Variants in SLC47A1 observed in about 807,000 individuals in gnomAD.
SLC47A1 encodes the protein multidrug and toxin extrusion protein 1.
Under a neutral mutation model 65.8 loss-of-function variants are expected in SLC47A1, and 58 were observed. The ratio of observed to expected loss-of-function variants is 0.88; its 90% confidence interval spans 0.71 to 1.10. The LOEUF (loss-of-function observed/expected upper bound fraction) is 1.10, where lower values mean the gene tolerates loss of function less well. Among genes scored for constraint, SLC47A1 ranks in the 50% least tolerant of loss-of-function variants. SLC47A1 has a pLI of 0.00. For synonymous variants in SLC47A1, 285 were observed against 295.0 expected (o/e 0.97, Z 0.35); for missense variants, 706 against 719.2 (o/e 0.98, Z 0.21).
chr17:19,539,941 C>G (rs1916093742), intron 1 of SLC47A1, among the ~76,000 whole-genome samples: 1 of 152,150 alleles, frequency 6.6e-6, no homozygotes, highest in Non-Finnish European at 1.5e-5. Context: ...AGATCCCTGG[C>G]ACGGACTTTC....
chr17:19,577,951 C>A lies in SLC47A1; in HGVS notation c.*398C>A. 7.8e-7 allele frequency: 1 copy of A among 1,278,306 alleles called. No homozygotes were observed. Among genetic ancestry groups the A allele is most frequent in the Non-Finnish European group, 1.0e-6 (1 of 986,726 alleles). The allele number at this position is 1,278,306 out of a possible 1,614,324, so 79.2% of individuals were successfully genotyped here. ...ATATCTTTCCTTGGGCCTTAGATTA[C>A]TATTCACTGGGCAAATGGTATTTGT... On this transcript the variant is annotated 3_prime_UTR_variant, in exon 17 of 17. Coordinates refer to ENST00000270570, the MANE Select transcript of SLC47A1 (RefSeq NM_018242.3).
chr17:19,546,604 T>C, intron 3 of SLC47A1, 101 bp downstream of exon 3: 1 of 1,100,668 alleles, frequency 9.1e-7, no homozygotes, highest in East Asian at 2.5e-5. Context: ...AGCCAGCACT[T>C]GCAGCACCTA....
rs376553580 is a variant in SLC47A1, at chr17:19,566,872, T to C, written c.1176+13T>C. On this transcript the variant is annotated intron_variant, in intron 13 of 16. Coordinates refer to ENST00000270570, the MANE Select transcript of SLC47A1 (RefSeq NM_018242.3). ...TGAAGCTCTTGCTGTAAGTATTATG[T>C]AGTAGTCCCCTAAGCACTGTTATGA... is the stretch of plus-strand genomic sequence containing the variant. 2 of 1,613,856 alleles carry C rather than the reference T, an allele frequency of 1.2e-6. No individual in the cohort carries two copies. The highest frequency in any genetic ancestry group is 1.7e-4 in the Middle Eastern group (1 of 6,060).
intron 16 of SLC47A1, among the ~76,000 whole-genome samples, chr17:19,575,704 A>G (rs1345871328): frequency 6.6e-6 from 1 of 151,868 alleles, no homozygotes; most frequent in Non-Finnish European, 1.5e-5. Context: ...CTGGCCTATT[A>G]CTCTTACTGT....
intron 4 of SLC47A1, 129 bp downstream of exon 4, chr17:19,548,262 T>C: frequency 8.6e-7 from 1 of 1,157,546 alleles, no homozygotes; most frequent in South Asian, 1.6e-5. Flanking sequence ...GGCTGACGTC[T>C]CCTAGGTCTT....
chr17:19,542,486 G>A lies in SLC47A1; in HGVS notation c.229G>A (p.Ala77Thr). 6.2e-7 allele frequency: 1 copy of A among 1,611,488 alleles called. No homozygotes were observed. Among genetic ancestry groups the A allele is most frequent in the Non-Finnish European group, 8.5e-7 (1 of 1,178,942 alleles). The part of the protein sequence containing the change: ...GKLELDAVTL[A>T]IAVINVTGVS... ...GCTGGAGCTGGATGCAGTCACGCTG[G>A]CAATCGCGGTACGTGTGGGCTTTCT... is the stretch of plus-strand genomic sequence containing the variant. The change falls in exon 2 of 17, where the codon GCA becomes ACA. Residue 77 changes from alanine (A) to threonine (T), a missense_variant. Transcript: ENST00000270570.
At chr17:19,540,038 C>A (rs565905309) in intron 1 of SLC47A1, among the ~76,000 whole-genome samples, 1 of 152,216 alleles carries the variant, frequency 6.6e-6, no homozygotes, top group Non-Finnish European at 1.5e-5. Flanking sequence ...TGCGGCAGCT[C>A]TCAAAAAAAC....
chr17:19,557,693 T>C (rs954628071), intron 10 of SLC47A1: 2 of 497,712 alleles, frequency 4.0e-6, no homozygotes, highest in South Asian at 1.4e-5. Context: ...CTTACTCTCG[T>C]TGGTGATAAG....
At chr17:19,573,073 T>A (rs959630692) in intron 16 of SLC47A1, among the ~76,000 whole-genome samples, 1 of 152,232 alleles carries the variant, frequency 6.6e-6, no homozygotes, top group Non-Finnish European at 1.5e-5. Context: ...GACTGAAAGG[T>A]CCCCAGTTCC....
intron 12 of SLC47A1, among the ~76,000 whole-genome samples, chr17:19,566,303 A>G (rs1319377433): frequency 1.3e-5 from 2 of 152,100 alleles, no homozygotes; most frequent in African/African-American, 4.8e-5. Flanking sequence ...GGTGCTGCCT[A>G]TTTTTTCTAA....
intron 14 of SLC47A1, 113 bp from the exon 15 acceptor site, chr17:19,571,365 C>A: frequency 2.3e-6 from 2 of 854,684 alleles, no homozygotes; most frequent in Admixed American, 2.5e-5. Flanking sequence ...TCCACCTCAG[C>A]CATGAAAGCA....
intron 12 of SLC47A1, chr17:19,564,507 T>C (rs897689963): frequency 6.6e-6 from 1 of 152,182 alleles, no homozygotes; most frequent in Non-Finnish European, 1.5e-5. Context: ...ACATGGAACG[T>C]GCTAGGAATT....
At chr17:19,541,858 G>A (rs1916157889) in intron 1 of SLC47A1, among the ~76,000 whole-genome samples, 2 of 152,238 alleles carry the variant, frequency 1.3e-5, no homozygotes, top group Admixed American at 6.5e-5. Flanking sequence ...TGGGCGCAGT[G>A]GCTCACGCCT....
At chr17:19,553,807 GC>G (rs1253973303) in intron 6 of SLC47A1, among the ~76,000 whole-genome samples, 2 of 152,186 alleles carry the variant, frequency 1.3e-5, no homozygotes, top group African/African-American at 2.4e-5. Flanking sequence ...CTCCCAAAGT[GC>G]TGGGATTACA....
In SLC47A1 at chr17:19,577,529, G is replaced by A; in HGVS notation, c.1689G>A (p.Val563=). The part of the protein sequence containing the change: ...VFLILLVGIL[V]RFYVRIQ ...TAATCTTGCTGGTGGGGATTTTAGT[G>A]AGATTCTATGTCAGAATTCAGTGAC... is the stretch of plus-strand genomic sequence containing the variant. The change falls in exon 17 of 17, where the codon GTG becomes GTA. Residue 563 remains valine (V), a synonymous_variant. Transcript: ENST00000270570. 1 of 1,614,142 alleles carries A rather than the reference G, an allele frequency of 6.2e-7. No individual in the cohort carries two copies. Among genetic ancestry groups the A allele is most frequent in the African/African-American group, 1.3e-5 (1 of 75,038 alleles).
intron 16 of SLC47A1, 48 bp from the exon 17 acceptor site, chr17:19,577,279 T>C: frequency 6.5e-7 from 1 of 1,546,224 alleles, no homozygotes; most frequent in Non-Finnish European, 8.8e-7. Context: ...TTTATAAAAA[T>C]GAAAAAAAAA....
intron 16 of SLC47A1, among the ~76,000 whole-genome samples, chr17:19,573,551 G>A (rs1286735770): frequency 6.6e-6 from 1 of 151,648 alleles, no homozygotes; most frequent in Admixed American, 6.6e-5. Context: ...AATAGAAAGA[G>A]GGTCTTGCCC....
At chr17:19,552,317 AC>A (rs1433912873) in intron 6 of SLC47A1, among the ~76,000 whole-genome samples, 1 of 152,246 alleles carries the variant, frequency 6.6e-6, no homozygotes, top group Non-Finnish European at 1.5e-5. Context: ...TGCTGGACTT[AC>A]AGGTGTGAGC....
At chr17:19,540,570 G>A (rs564073340) in intron 1 of SLC47A1, among the ~76,000 whole-genome samples, 5 of 152,216 alleles carry the variant, frequency 3.3e-5, no homozygotes, top group Admixed American at 1.3e-4. Context: ...AAATCGTGTG[G>A]CACCATTACA....
Sources: gnomAD v4.1 joint callset for allele counts (sites outside exome capture counted in the v4.1 genomes callset) on GRCh38, gnomAD v4.1.1 for gene constraint, MANE v1.5 for transcripts, NCBI Gene and HGNC (gene_info 2026-07-23, HGNC 2026-07-21) for gene names.